Variants in LHFPL6 observed in about 807,000 individuals in gnomAD.
The protein encoded by LHFPL6 is LHFPL tetraspan subfamily member 6 protein.
LHFPL6 carries 9 observed loss-of-function variants against 20.6 expected under a neutral mutation model. That is an observed-to-expected ratio of 0.44 (90% CI 0.26 to 0.76). The LOEUF is 0.76. LHFPL6 is among the 30% of genes least tolerant of loss of function. LHFPL6 has a pLI of 0.20. For missense variants in LHFPL6, 218 were observed against 253.5 expected, an observed-to-expected ratio of 0.86 and a Z score of 0.95; for synonymous variants, 105 against 98.7, an observed-to-expected ratio of 1.06 and a Z score of -0.38.
intron 2 of LHFPL6, among the ~76,000 whole-genome samples, chr13:39,498,446 T>C (rs1227144765): frequency 6.6e-6 from 1 of 152,224 alleles, no homozygotes; most frequent in African/African-American, 2.4e-5. Context: ...CATAGAACAG[T>C]AGGGGGTATC....
In LHFPL6 at chr13:39,342,964, A is replaced by G; in HGVS notation, c.*972T>C. The G allele has an allele frequency of 5.4e-6, 1 of 185,334 alleles. No homozygotes were observed. The highest frequency in any genetic ancestry group is 1.1e-5 in the Non-Finnish European group (1 of 87,136). 11.5% of individuals were successfully genotyped at this position (185,334 alleles called of 1,614,324 possible). A position where few individuals can be genotyped will look rare whatever the true frequency, so the allele number is the denominator to read the frequency against. The stretch of plus-strand genomic sequence containing the variant: ...AAAATAGCACTTTTAAATTTTTTAC[A>G]AAATGAATATAGAAATAAATGTGGT... On this transcript the variant is annotated 3_prime_UTR_variant, in exon 4 of 4. Transcript: ENST00000379589.
intron 3 of LHFPL6, among the ~76,000 whole-genome samples, chr13:39,373,388 C>T (rs961408113): frequency 6.6e-6 from 1 of 152,180 alleles, no homozygotes; most frequent in Non-Finnish European, 1.5e-5. Flanking sequence ...CATAGGATCC[C>T]TTCTTCCCCA....
chr13:39,425,978 A>G (rs1330460059), intron 2 of LHFPL6, among the ~76,000 whole-genome samples: 1 of 152,048 alleles, frequency 6.6e-6, no homozygotes, highest in East Asian at 1.9e-4. Context: ...TCATTCTGTT[A>G]ATAGTCTTTT....
intron 2 of LHFPL6, among the ~76,000 whole-genome samples, chr13:39,431,010 G>A (rs925772121): frequency 6.6e-6 from 1 of 152,156 alleles, no homozygotes; most frequent in African/African-American, 2.4e-5. Context: ...AATACCCACT[G>A]CAAAGGTCTG....
chr13:39,377,730 T>C (rs567236543), intron 3 of LHFPL6, among the ~76,000 whole-genome samples: 1 of 152,240 alleles, frequency 6.6e-6, no homozygotes, highest in Non-Finnish European at 1.5e-5. Flanking sequence ...GAAAACTAAC[T>C]GAAATTTTCT....
intron 2 of LHFPL6, among the ~76,000 whole-genome samples, chr13:39,408,529 T>C (rs1871172387): frequency 6.6e-6 from 1 of 152,232 alleles, no homozygotes; most frequent in Admixed American, 6.5e-5. Context: ...TACAGGAAAC[T>C]AAAATGACTT....
chr13:39,369,386 C>G (rs1411433834), intron 3 of LHFPL6, among the ~76,000 whole-genome samples: 1 of 152,094 alleles, frequency 6.6e-6, no homozygotes, highest in Non-Finnish European at 1.5e-5. Context: ...TTCCACCTAT[C>G]AGGGTATCTG....
chr13:39,565,989 A>C (rs541564779), intron 2 of LHFPL6, among the ~76,000 whole-genome samples: 1 of 152,372 alleles, frequency 6.6e-6, no homozygotes, highest in African/African-American at 2.4e-5. Context: ...TTATGGTTTA[A>C]TTGGATTTTT....
chr13:39,513,816 A>G (rs1869807822), intron 2 of LHFPL6, among the ~76,000 whole-genome samples: 2 of 152,238 alleles, frequency 1.3e-5, no homozygotes, highest in South Asian at 4.1e-4. Context: ...TATGACCCTC[A>G]TTAGTTCACA....
chr13:39,553,142 T>G (rs942123263), intron 2 of LHFPL6, among the ~76,000 whole-genome samples: 2 of 152,180 alleles, frequency 1.3e-5, no homozygotes, highest in Admixed American at 6.5e-5. Flanking sequence ...AAGCTAATAT[T>G]AGAAAATCAT....
chr13:39,387,414 G>T (rs1870591031), intron 2 of LHFPL6, among the ~76,000 whole-genome samples: 1 of 151,778 alleles, frequency 6.6e-6, no homozygotes, highest in Non-Finnish European at 1.5e-5. Context: ...GGGCATGGTG[G>T]TGCACACCTG....
At chr13:39,428,080 T>G (rs557864104) in intron 2 of LHFPL6, among the ~76,000 whole-genome samples, 70 of 152,332 alleles carry the variant, frequency 4.6e-4, no homozygotes, top group African/African-American at 1.6e-3. Context: ...ACTGTTTACT[T>G]GGCTCATTGG....
intron 2 of LHFPL6, among the ~76,000 whole-genome samples, chr13:39,547,553 A>C (rs1871019702): frequency 6.6e-6 from 1 of 152,122 alleles, no homozygotes; most frequent in South Asian, 2.1e-4. Context: ...ACTAAATTAG[A>C]ATGCAGACAC....
intron 3 of LHFPL6, among the ~76,000 whole-genome samples, chr13:39,359,121 C>T (rs571421193): frequency 6.6e-6 from 1 of 152,148 alleles, no homozygotes; most frequent in Non-Finnish European, 1.5e-5. Context: ...GAGATCACAC[C>T]ACGTACTCCA....
chr13:39,534,881 C>T lies in LHFPL6; in HGVS notation c.385+65951G>A, dbSNP rs74046528. Among the ~76,000 whole-genome samples the T allele has an allele frequency of 3.7e-3, 567 of 152,252 alleles. 7 individuals are homozygous for T. Among genetic ancestry groups the T allele is most frequent in the African/African-American group, 0.013 (544 of 41,564 alleles). On this transcript the variant is annotated intron_variant, in intron 2 of 3. Transcript: ENST00000379589. ...CACTACCCATTTTATTTTCCTAGGG[C>T]TTCTATAACAAAGTACCATAAACTG...
intron 3 of LHFPL6, among the ~76,000 whole-genome samples, chr13:39,368,846 G>A (rs550987523): frequency 6.6e-6 from 1 of 152,224 alleles, no homozygotes; most frequent in East Asian, 1.9e-4. Flanking sequence ...AATGGCAACA[G>A]CATTCTATAA....
rs143773254 is a variant in LHFPL6 at position 39,475,772 on chromosome 13, C to T, written c.386-97246G>A. ...CAGTAACAGGATGCCGTGATCACAGCACACCCAAAGAAACATCAGTTATCG... is the reference window on the plus strand; with the variant it reads ...CAGTAACAGGATGCCGTGATCACAGTACACCCAAAGAAACATCAGTTATCG... On this transcript the variant is annotated intron_variant, in intron 2 of 3. Coordinates refer to ENST00000379589, the MANE Select transcript of LHFPL6 (RefSeq NM_005780.3). Among the ~76,000 whole-genome samples, 8 of 152,234 alleles carry T rather than the reference C, an allele frequency of 5.3e-5. No homozygotes were observed. The East Asian group carries it at 1.5e-3, about 29-fold the overall frequency.
chr13:39,580,571 T>C (rs1324166513), intron 2 of LHFPL6, among the ~76,000 whole-genome samples: 1 of 152,186 alleles, frequency 6.6e-6, no homozygotes, highest in African/African-American at 2.4e-5. Flanking sequence ...TCTTTCTTAG[T>C]CTGCTTCTGT....
intron 2 of LHFPL6, among the ~76,000 whole-genome samples, chr13:39,551,793 G>T (rs993411920): frequency 6.6e-6 from 1 of 151,946 alleles, no homozygotes; most frequent in Admixed American, 6.6e-5. Context: ...TTTATTTCTG[G>T]CATCTTCTTT....
Sources: allele counts gnomAD v4.1 joint callset (sites outside exome capture counted in the v4.1 genomes callset), GRCh38; gene constraint gnomAD v4.1.1; transcripts MANE v1.5; gene names NCBI Gene and HGNC (gene_info 2026-07-23, HGNC 2026-07-21).